Variants in SFT2D2 observed in about 807,000 individuals in gnomAD.
The protein encoded by SFT2D2 is vesicle transport protein SFT2B.
A neutral mutation model predicts 27.4 loss-of-function variants in SFT2D2; 21 were observed. The observed-to-expected ratio is 0.77, with a 90% CI of 0.54 to 1.10. The LOEUF (loss-of-function observed/expected upper bound fraction) is 1.10. SFT2D2 is among the 50% of genes least tolerant of loss of function. SFT2D2 has a pLI of 0.00. For synonymous variants in SFT2D2, 72 were observed against 71.7 expected (o/e 1.00, Z -0.02); for missense variants, 187 against 194.2 (o/e 0.96, Z 0.22).
intron 1 of SFT2D2, among the ~76,000 whole-genome samples, chr1:168,227,946 C>T (rs758781463): frequency 9.9e-5 from 15 of 152,154 alleles, no homozygotes; most frequent in Non-Finnish European, 1.5e-4. Context: ...TTGTTTTTAA[C>T]CTAAAATGGT....
At chr1:168,231,343 C>G (rs531214808) in intron 1 of SFT2D2, among the ~76,000 whole-genome samples, 171 bp from the exon 2 acceptor site, 1 of 152,324 alleles carries the variant, frequency 6.6e-6, no homozygotes, top group African/African-American at 2.4e-5. Flanking sequence ...TGCATAATAA[C>G]TTTACAGCTC....
intron 7 of SFT2D2, among the ~76,000 whole-genome samples, chr1:168,241,205 CTTTTT>C (rs11387591): frequency 2.0e-5 from 2 of 100,156 alleles, no homozygotes; most frequent in Admixed American, 1.2e-4. Context: ...CCCTTCTATT[CTTTTT>C]TTTTTTTTTT....
At chr1:168,232,029 G>T (rs1647335590) in intron 3 of SFT2D2, 110 bp downstream of exon 3, 1 of 827,062 alleles carries the variant, frequency 1.2e-6, no homozygotes, top group African/African-American at 1.7e-5. Flanking sequence ...TAAGGAATTT[G>T]GAGAGAAGTA....
At chr1:168,238,155 T>G (rs1413144113) in intron 6 of SFT2D2, among the ~76,000 whole-genome samples, 1 of 152,212 alleles carries the variant, frequency 6.6e-6, no homozygotes, top group African/African-American at 2.4e-5. Flanking sequence ...GTATATGGTT[T>G]CCTTCTAAGT....
chr1:168,236,275 T>C (rs1647495579), intron 4 of SFT2D2, among the ~76,000 whole-genome samples: 2 of 152,234 alleles, frequency 1.3e-5, no homozygotes, highest in South Asian at 4.1e-4. Flanking sequence ...TGTGTTAAGC[T>C]TACTTTAGTG....
chr1:168,233,239 C>T (rs1163880921), intron 3 of SFT2D2, among the ~76,000 whole-genome samples: 1 of 152,134 alleles, frequency 6.6e-6, no homozygotes, highest in African/African-American at 2.4e-5. Context: ...CTGTACCTCC[C>T]CTGGTTTGGT....
chr1:168,251,833 G>A lies in SFT2D2; in HGVS notation c.*9293G>A, dbSNP rs866814649. On this transcript the variant is annotated 3_prime_UTR_variant, in exon 8 of 8. Coordinates refer to ENST00000271375, the MANE Select transcript of SFT2D2 (RefSeq NM_199344.3). ...CAAATTTATGTCTGTGTAACTCTTG[G>A]TAAGATATAACAAAACCTAGACATC... 2 of 152,010 alleles carry A rather than the reference G, an allele frequency of 1.3e-5. No individual in the cohort carries two copies. The highest frequency in any genetic ancestry group is 6.6e-5 in the Admixed American group (1 of 15,244). 9.4% of individuals were successfully genotyped at this position (152,010 alleles called of 1,614,324 possible). A position where few individuals can be genotyped will look rare whatever the true frequency, so the allele number is the denominator to read the frequency against.
rs1647810877 is a variant in SFT2D2 at position 168,246,320 on chromosome 1, T to C, written c.*3780T>C. The C allele has an allele frequency of 4.5e-6, 2 of 445,014 alleles. No homozygotes were observed. The highest frequency in any genetic ancestry group is 8.2e-6 in the Non-Finnish European group (2 of 243,314). The allele number at this position is 445,014 out of a possible 1,614,324, so 27.6% of individuals were successfully genotyped here. A position where few individuals can be genotyped will look rare whatever the true frequency, so the allele number is the denominator to read the frequency against. On this transcript the variant is annotated 3_prime_UTR_variant, in exon 8 of 8. Coordinates refer to ENST00000271375, the MANE Select transcript of SFT2D2 (RefSeq NM_199344.3). ...TGTTGTGAACATCATCCAGTTGCTG[T>C]TGAAGCAACATATTTTGTCTTCGTA...
At chr1:168,237,232 G>C (rs986348054) in intron 6 of SFT2D2, among the ~76,000 whole-genome samples, 11 of 152,358 alleles carry the variant, frequency 7.2e-5, no homozygotes, top group African/African-American at 1.9e-4. Flanking sequence ...AGAGTGAACT[G>C]TCAGCAGGAG....
chr1:168,249,120 G>A lies in SFT2D2; in HGVS notation c.*6580G>A, dbSNP rs1166874957. The A allele has an allele frequency of 6.6e-6, 1 of 151,862 alleles. No individual in the cohort carries two copies. Among genetic ancestry groups the A allele is most frequent in the Non-Finnish European group, 1.5e-5 (1 of 67,988 alleles). The allele number at this position is 151,862 out of a possible 1,614,324, so 9.4% of individuals were successfully genotyped here. A position where few individuals can be genotyped will look rare whatever the true frequency, so the allele number is the denominator to read the frequency against. ...CTTAGTTATTTCTTGTCTTCTGCTA[G>A]CTTTTGAATTTGTTTGCTCTTGCTT... On this transcript the variant is annotated 3_prime_UTR_variant, in exon 8 of 8. Transcript: ENST00000271375.
At chr1:168,227,095 C>T (rs908979370) in intron 1 of SFT2D2, among the ~76,000 whole-genome samples, 2 of 152,336 alleles carry the variant, frequency 1.3e-5, no homozygotes, top group African/African-American at 4.8e-5. Context: ...GCTGGGATTA[C>T]AGGCATGAGC....
chr1:168,234,848 G>C (rs899717289), intron 3 of SFT2D2, among the ~76,000 whole-genome samples: 1 of 152,204 alleles, frequency 6.6e-6, no homozygotes, highest in African/African-American at 2.4e-5. Flanking sequence ...TACAGCCTGG[G>C]TCTATCATTC....
At chr1:168,228,198 T>C (rs1700481212) in intron 1 of SFT2D2, among the ~76,000 whole-genome samples, 1 of 152,222 alleles carries the variant, frequency 6.6e-6, no homozygotes, top group Non-Finnish European at 1.5e-5. Flanking sequence ...TGTTTCAGCT[T>C]AGTGTTTACT....
intron 4 of SFT2D2, among the ~76,000 whole-genome samples, chr1:168,236,021 G>A (rs1342974039): frequency 1.3e-5 from 2 of 152,184 alleles, no homozygotes; most frequent in Admixed American, 1.3e-4. Context: ...GAAGGATGGC[G>A]AAGAAAGGCA....
At chr1:168,227,465 A>C (rs566782622) in intron 1 of SFT2D2, among the ~76,000 whole-genome samples, 5 of 152,324 alleles carry the variant, frequency 3.3e-5, no homozygotes, top group African/African-American at 7.2e-5. Context: ...ACATCTCCGA[A>C]TGTAAGATTG....
chr1:168,251,721 T>C lies in SFT2D2; in HGVS notation c.*9181T>C, dbSNP rs1647957164. ...TTTTTTTTAATTTAAAAATCTTAAGTTTTTTTTAGTAAGCTTAAGATGTCC... is the reference window on the plus strand; with the variant it reads ...TTTTTTTTAATTTAAAAATCTTAAGCTTTTTTTAGTAAGCTTAAGATGTCC... On this transcript the variant is annotated 3_prime_UTR_variant, in exon 8 of 8. Transcript: ENST00000271375. 1 of 151,752 alleles carries C rather than the reference T, an allele frequency of 6.6e-6. No individual in the cohort carries two copies. Among genetic ancestry groups the C allele is most frequent in the South Asian group, 2.1e-4 (1 of 4,814 alleles). The allele number at this position is 151,752 out of a possible 1,614,324, so 9.4% of individuals were successfully genotyped here.
In SFT2D2 at chr1:168,244,597, T is replaced by A. The variant is rs1158301175; in HGVS notation, c.*2057T>A. 1 of 152,226 alleles carries A rather than the reference T, an allele frequency of 6.6e-6. No individual in the cohort carries two copies. The highest frequency in any genetic ancestry group is 2.4e-5 in the African/African-American group (1 of 41,456). 9.4% of individuals were successfully genotyped at this position (152,226 alleles called of 1,614,324 possible). A position where few individuals can be genotyped will look rare whatever the true frequency, so the allele number is the denominator to read the frequency against. ...ACATCCAGTCATCTGCTCAGGTCAC[T>A]AACCTGTCCTCAGCCAGGAAAGGAA... On this transcript the variant is annotated 3_prime_UTR_variant, in exon 8 of 8. Transcript: ENST00000271375.
chr1:168,226,118 G>A lies in SFT2D2; in HGVS notation c.39G>A (p.Thr13=). ...KLKKVLSGQD[T]EDRSGLSEVV... ...AGAAGGTGCTGAGCGGGCAGGACAC[G>A]GAGGACCGGAGCGGCCTGTCCGAGG... The change falls in exon 1 of 8, where the codon ACG becomes ACA. Residue 13 remains threonine (T), a synonymous_variant. Coordinates refer to ENST00000271375, the MANE Select transcript of SFT2D2 (RefSeq NM_199344.3). 1 of 1,535,328 alleles carries A rather than the reference G, an allele frequency of 6.5e-7. No individual in the cohort carries two copies. Among genetic ancestry groups the A allele is most frequent in the Non-Finnish European group, 8.8e-7 (1 of 1,140,302 alleles).
At chr1:168,228,045 G>A (rs571755795) in intron 1 of SFT2D2, among the ~76,000 whole-genome samples, 1 of 152,170 alleles carries the variant, frequency 6.6e-6, no homozygotes, top group Non-Finnish European at 1.5e-5. Context: ...TAGGTGCTTC[G>A]TTCTTGTTTT....
Sources: allele counts gnomAD v4.1 joint callset (sites outside exome capture counted in the v4.1 genomes callset), GRCh38; gene constraint gnomAD v4.1.1; transcripts MANE v1.5; gene names NCBI Gene and HGNC (gene_info 2026-07-23, HGNC 2026-07-21).